PHC2: variants seen among roughly 807,000 people sequenced by gnomAD.
PHC2 encodes the protein polyhomeotic-like protein 2.
PHC2 carries 29 observed loss-of-function variants against 87.4 expected under a neutral mutation model. The observed-to-expected ratio is 0.33, with a 90% confidence interval of 0.25 to 0.45. The LOEUF is 0.45. Among genes scored for constraint, PHC2 ranks in the 20% least tolerant of loss-of-function variants. The pLI, the probability that PHC2 is intolerant of heterozygous loss-of-function variation, is 1.00. For synonymous variants in PHC2, 438 were observed against 461.7 expected (o/e 0.95, Z 0.66); for missense variants, 857 against 1,136.7 (o/e 0.75, Z 3.54).
In PHC2 at chr1:33,347,389, G is replaced by A. The variant is rs117352442; in HGVS notation, c.1558+7012C>T. 29 of 985,314 alleles carry A rather than the reference G, an allele frequency of 2.9e-5. 1 individual carries two copies. In the East Asian group the frequency reaches 2.7e-3, roughly 93 times the overall value. The allele number at this position is 985,314 out of a possible 1,614,324, so 61.0% of individuals were successfully genotyped here. ...TGTGACAGAAGGAAAAGGGGCTGGA[G>A]GTCCTTCTTTACTTAGAGGGAAGAG... On this transcript the variant is annotated intron_variant, in intron 9 of 14. Coordinates refer to ENST00000683057, the MANE Select transcript of PHC2 (RefSeq NM_001385109.1).
intron 9 of PHC2, chr1:33,335,494 T>G (rs1646608486): frequency 4.9e-6 from 1 of 204,256 alleles, no homozygotes; most frequent in Non-Finnish European, 8.6e-6. Context: ...TGCATAAAAC[T>G]TTATATGAAG....
rs1478390360 is a variant in PHC2 at position 33,348,364 on chromosome 1, C to T, written c.1558+6037G>A. Among the ~76,000 whole-genome samples, 4 of 152,264 alleles carry T rather than the reference C, an allele frequency of 2.6e-5. No homozygotes were observed. The South Asian group carries it at 6.2e-4, about 24-fold the overall frequency. Reference sequence around the variant, plus strand: ...CATTAGCCTGTAATGTTCATGCTGACCTAGAAATCCTGGCAGTTCCAACAT... The same window carrying T: ...CATTAGCCTGTAATGTTCATGCTGATCTAGAAATCCTGGCAGTTCCAACAT... On this transcript the variant is annotated intron_variant, in intron 9 of 14. Transcript: ENST00000683057.
chr1:33,349,805 G>T lies in PHC2; in HGVS notation c.1558+4596C>A. 7.2e-6 allele frequency: 7 copies of T among 977,074 alleles called. No homozygotes were observed. Among genetic ancestry groups the T allele is most frequent in the South Asian group, 4.6e-5 (1 of 21,824 alleles). The allele number at this position is 977,074 out of a possible 1,614,324, so 60.5% of individuals were successfully genotyped here. A position where few individuals can be genotyped will look rare whatever the true frequency, so the allele number is the denominator to read the frequency against. ...GGCCGGGGCGCGAGGCCGGGACGGG[G>T]GCGCGAGGCCGGGGCGGGAGCGCGG... is the stretch of plus-strand genomic sequence containing the variant. On this transcript the variant is annotated intron_variant, in intron 9 of 14. Coordinates refer to ENST00000683057, the MANE Select transcript of PHC2 (RefSeq NM_001385109.1). The surrounding 1 kb of genome is among the most constrained non-coding windows in gnomAD (Gnocchi z 4.2).
intron 9 of PHC2, among the ~76,000 whole-genome samples, chr1:33,341,646 T>C (rs1052268818): frequency 2.0e-5 from 3 of 152,218 alleles, no homozygotes; most frequent in African/African-American, 7.2e-5. Flanking sequence ...TTTCCCAAAT[T>C]CTAAAATGCA....
At chr1:33,338,533 C>G (rs115712681) in intron 9 of PHC2, among the ~76,000 whole-genome samples, 2 of 152,154 alleles carry the variant, frequency 1.3e-5, no homozygotes, top group African/African-American at 2.4e-5. Context: ...CTGGAATGAC[C>G]GAACACAATC....
intron 7 of PHC2, among the ~76,000 whole-genome samples, chr1:33,358,076 A>T (rs1473252271): frequency 6.6e-6 from 1 of 152,188 alleles, no homozygotes; most frequent in Admixed American, 6.5e-5. Flanking sequence ...GATCACATAA[A>T]TCTCTTCCAC....
At chr1:33,336,278 C>T (rs182922698) in intron 9 of PHC2, among the ~76,000 whole-genome samples, 12 of 152,112 alleles carry the variant, frequency 7.9e-5, no homozygotes, top group African/African-American at 2.7e-4. Context: ...CATGAGCCAC[C>T]GCGCCCAGCC....
intron 1 of PHC2, among the ~76,000 whole-genome samples, chr1:33,400,977 G>A (rs1175609107): frequency 6.6e-6 from 1 of 152,084 alleles, no homozygotes; most frequent in East Asian, 1.9e-4. Flanking sequence ...TAAAGGAATT[G>A]TCTGAAGGTT....
intron 7 of PHC2, among the ~76,000 whole-genome samples, chr1:33,355,771 TCAGA>T (rs1450464420): frequency 2.0e-5 from 3 of 152,324 alleles, no homozygotes; most frequent in East Asian, 3.9e-4. Context: ...GATCCTGGCA[TCAGA>T]CAGACCAGGG....
chr1:33,380,220 T>C (rs1648428957), intron 1 of PHC2, among the ~76,000 whole-genome samples: 1 of 152,220 alleles, frequency 6.6e-6, no homozygotes, highest in Admixed American at 6.5e-5. Flanking sequence ...TGCAATTCAG[T>C]ACCATTAACT....
intron 1 of PHC2, among the ~76,000 whole-genome samples, chr1:33,426,498 A>G (rs1189597322): frequency 6.6e-6 from 1 of 152,210 alleles, no homozygotes; most frequent in Non-Finnish European, 1.5e-5. Context: ...AAAGGAATAG[A>G]AATGAACTTG....
In PHC2 at chr1:33,324,632, T is replaced by C; in HGVS notation, c.*233A>G. The stretch of plus-strand genomic sequence containing the variant: ...TTGGAGGAAGCCAGTGCTATCAATA[T>C]TTACAAGCATAAAGCCCCATCTTCT... On this transcript the variant is annotated 3_prime_UTR_variant, in exon 15 of 15. Transcript: ENST00000683057. 2 of 447,350 alleles carry C rather than the reference T, an allele frequency of 4.5e-6. No individual in the cohort carries two copies. The highest frequency in any genetic ancestry group is 6.8e-5 in the East Asian group (2 of 29,380). The allele number at this position is 447,350 out of a possible 1,614,324, so 27.7% of individuals were successfully genotyped here.
At chr1:33,372,731 C>T (rs567993947) in intron 2 of PHC2, among the ~76,000 whole-genome samples, 2 of 152,368 alleles carry the variant, frequency 1.3e-5, no homozygotes, top group Non-Finnish European at 2.9e-5. Flanking sequence ...AGAATCAGAG[C>T]CGCACGCCAG....
intron 9 of PHC2, chr1:33,346,157 A>G: frequency 1.0e-6 from 1 of 985,328 alleles, no homozygotes; most frequent in Non-Finnish European, 1.2e-6. Flanking sequence ...TCATTGGCAC[A>G]AAGTCCCCAT....
At position 33,349,630 on chromosome 1, in the gene PHC2, G is replaced by C. The variant is rs1299855201; in HGVS notation, c.1558+4771C>G. The C allele has an allele frequency of 5.1e-6, 5 of 983,530 alleles. No individual in the cohort carries two copies. In the African/African-American group the frequency reaches 8.8e-5, roughly 17 times the overall value. 60.9% of individuals were successfully genotyped at this position (983,530 alleles called of 1,614,324 possible). A position where few individuals can be genotyped will look rare whatever the true frequency, so the allele number is the denominator to read the frequency against. On this transcript the variant is annotated intron_variant, in intron 9 of 14. Coordinates refer to ENST00000683057, the MANE Select transcript of PHC2 (RefSeq NM_001385109.1). The surrounding 1 kb of genome is among the most constrained non-coding windows in gnomAD (Gnocchi z 4.2). ...GGCCCGGCTGGGCCTGGCCGGGCGG[G>C]GCCTACGCAGCCCCTCGGCCGGGCG...
rs1349104752 is a variant in PHC2 at position 33,334,860 on chromosome 1, G to A, written c.1559-568C>T. On this transcript the variant is annotated intron_variant, in intron 9 of 14. Transcript: ENST00000683057. This position sits in a 1 kb window ranked among gnomAD's most constrained non-coding sequence, Gnocchi z 5.5. ...CTGAACCCCAAGTAAAGGCTATCAT[G>A]TATATTTGACTATTCAGAGACTGGT... 6.6e-6 allele frequency among the ~76,000 whole-genome samples: 1 copy of A among 152,244 alleles called. No homozygotes were observed. The highest frequency in any genetic ancestry group is 1.5e-5 in the Non-Finnish European group (1 of 68,044).
At chr1:33,408,516 AG>A (rs1452268203) in intron 1 of PHC2, among the ~76,000 whole-genome samples, 2 of 152,130 alleles carry the variant, frequency 1.3e-5, no homozygotes, top group African/African-American at 2.4e-5. Context: ...GCTGGAGTGC[AG>A]TGGGACGATC....
chr1:33,344,281 A>G (rs1432124427), intron 9 of PHC2, among the ~76,000 whole-genome samples: 3 of 152,230 alleles, frequency 2.0e-5, no homozygotes, highest in Non-Finnish European at 4.4e-5. Context: ...GGTTGATAAC[A>G]GGGAAAGGCA....
chr1:33,327,175 C>T (rs974621263), intron 14 of PHC2, among the ~76,000 whole-genome samples: 5 of 152,166 alleles, frequency 3.3e-5, no homozygotes, highest in East Asian at 3.9e-4. Context: ...GACTCTTGTA[C>T]GCTCCCTGTT....
Sources: gnomAD v4.1 joint callset for allele counts (sites outside exome capture counted in the v4.1 genomes callset) on GRCh38, gnomAD v4.1.1 for gene constraint, Gnocchi (gnomAD v3.1) non-coding constraint, MANE v1.5 for transcripts, NCBI Gene and HGNC (gene_info 2026-07-23, HGNC 2026-07-21) for gene names.